Variants in VCPKMT observed in about 807,000 individuals in gnomAD.
VCPKMT encodes valosin containing protein lysine methyltransferase.
In VCPKMT, 32 loss-of-function variants were observed where a neutral mutation model predicts 28.6. The observed-to-expected ratio is 1.12, with a 90% confidence interval of 0.84 to 1.50. The LOEUF (loss-of-function observed/expected upper bound fraction) is 1.50. Among genes scored for constraint, VCPKMT ranks in the 40% most tolerant of loss-of-function variants. VCPKMT has a pLI of 0.00. For missense variants in VCPKMT, 366 were observed against 285.0 expected (o/e 1.28, Z -2.05); for synonymous variants, 138 against 111.4 (o/e 1.24, Z -1.50).
At chr14:50,107,520 G>A (rs1034935835), downstream of VCPKMT, among the ~76,000 whole-genome samples, 1 of 152,092 alleles carries the variant, frequency 6.6e-6, no homozygotes, top group Non-Finnish European at 1.5e-5. Context: ...CACCATGTTG[G>A]CCAGGCTGGT....
downstream of VCPKMT, chr14:50,106,611 G>C: frequency 1.0e-6 from 1 of 985,372 alleles, no homozygotes; most frequent in South Asian, 4.7e-5. Flanking sequence ...TCCATGCTTC[G>C]GAATCTGCTG....
chr14:50,116,135 A>C lies in VCPKMT; in HGVS notation c.311T>G (p.Leu104Arg). 6.2e-7 allele frequency: 1 copy of C among 1,614,150 alleles called. No homozygotes were observed. The highest frequency in any genetic ancestry group is 2.2e-5 in the East Asian group (1 of 44,884). The change falls in exon 2 of 6, where the codon CTG becomes CGG. Residue 104 changes from leucine to arginine, a missense_variant. By Grantham distance (102) the Leu-to-Arg change is moderately radical. Transcript: ENST00000395860. ...VTDLEELQDL[L>R]KMNINMNKHL... is the part of the protein sequence containing the mutation. ...CTTGTTCATATTAATATTCATCTTC[A>C]GCAAGTCTTGCAATTCCTCAAGATC...
intron 5 of VCPKMT, among the ~76,000 whole-genome samples, chr14:50,112,261 C>T (rs1489870245): frequency 1.3e-5 from 2 of 151,854 alleles, no homozygotes; most frequent in African/African-American, 4.8e-5. Flanking sequence ...AAAAGCGAAG[C>T]CTGGCCAGGT....
intron 4 of VCPKMT, chr14:50,113,231 T>C (rs568582171): frequency 3.9e-5 from 6 of 152,382 alleles, no homozygotes; most frequent in South Asian, 2.1e-4. Context: ...CTGATACATA[T>C]GCATTTTACA....
At chr14:50,110,754 G>C (rs573072771) in intron 5 of VCPKMT, among the ~76,000 whole-genome samples, 1 of 152,186 alleles carries the variant, frequency 6.6e-6, no homozygotes, top group African/African-American at 2.4e-5. Context: ...GTCCATAGCA[G>C]CATTATTCAT....
At chr14:50,102,929 G>A in the VCPKMT span, among the ~76,000 whole-genome samples, 4 of 152,176 alleles carry the variant, frequency 2.6e-5, no homozygotes, top group Non-Finnish European at 4.4e-5. Flanking sequence ...TTAATATAAC[G>A]CAGAAGCAGA....
chr14:50,115,295 G>A (rs1250560751), intron 3 of VCPKMT, among the ~76,000 whole-genome samples: 1 of 151,918 alleles, frequency 6.6e-6, no homozygotes, highest in East Asian at 1.9e-4. Flanking sequence ...TAGGATTACA[G>A]ACATGCACCA....
Position 50,108,935 on chromosome 14 carries a change from T to A in VCPKMT, c.*764A>T. 1.0e-6 allele frequency: 1 copy of A among 985,458 alleles called. No homozygotes were observed. Among genetic ancestry groups the A allele is most frequent in the Non-Finnish European group, 1.2e-6 (1 of 829,928 alleles). 61.0% of individuals were successfully genotyped at this position (985,458 alleles called of 1,614,324 possible). ...TCCTGGAACATATACATAAAGTGCA[T>A]GAGCCACGTAAGTGCATAAGCCTGA... On this transcript the variant is annotated 3_prime_UTR_variant, in exon 6 of 6. Transcript: ENST00000395860.
intron 4 of VCPKMT, chr14:50,113,611 AAC>A (rs200730910): frequency 0.3 from 25,067 of 83,636 alleles, 2,593 homozygotes; most frequent in Admixed American, 0.47. Context: ...AAGTTTAAAA[AAC>A]AAAAAAAAAG....
chr14:50,111,837 C>A, intron 5 of VCPKMT: 2 of 893,882 alleles, frequency 2.2e-6, no homozygotes, highest in Non-Finnish European at 2.7e-6. Context: ...TGCAGCAAGC[C>A]GAGATTGCAC....
At position 50,109,570 on chromosome 14, in the gene VCPKMT, T is replaced by C. The variant is rs1206862050; in HGVS notation, c.*129A>G. 9.2e-6 allele frequency: 13 copies of C among 1,420,038 alleles called. No individual in the cohort carries two copies. The highest frequency in any genetic ancestry group is 1.2e-5 in the Non-Finnish European group (13 of 1,091,280). The allele number at this position is 1,420,038 out of a possible 1,614,324, so 88.0% of individuals were successfully genotyped here. On this transcript the variant is annotated 3_prime_UTR_variant, in exon 6 of 6. Transcript: ENST00000395860. ...GCCCCTGGTGGTCATCATCTATACATCGGATCTCTAAGGACGTGCCGGAAA... is the reference window on the plus strand; with the variant it reads ...GCCCCTGGTGGTCATCATCTATACACCGGATCTCTAAGGACGTGCCGGAAA...
At chr14:50,113,145 G>C (rs1333743635) in intron 4 of VCPKMT, among the ~76,000 whole-genome samples, 1 of 152,128 alleles carries the variant, frequency 6.6e-6, no homozygotes. Context: ...CCAAGATCCT[G>C]AAAATGTCCT....
chr14:50,108,834 T>C lies in VCPKMT; in HGVS notation c.*865A>G, dbSNP rs1882446878. ...CAGAAATTCATTTGGTATATACATA[T>C]AGAACTACATTTGTAGTTATTCAAA... On this transcript the variant is annotated 3_prime_UTR_variant, in exon 6 of 6. Transcript: ENST00000395860. The C allele has an allele frequency of 1.0e-5, 10 of 985,296 alleles. No individual in the cohort carries two copies. The highest frequency in any genetic ancestry group is 4.7e-5 in the South Asian group (1 of 21,288). 61.0% of individuals were successfully genotyped at this position (985,296 alleles called of 1,614,324 possible).
the VCPKMT span, among the ~76,000 whole-genome samples, chr14:50,103,016 C>T: frequency 2.0e-5 from 3 of 152,214 alleles, no homozygotes; most frequent in Non-Finnish European, 4.4e-5. Flanking sequence ...AACACAAATT[C>T]GTAAACCCTC....
chr14:50,114,023 T>C (rs543327099), intron 4 of VCPKMT, among the ~76,000 whole-genome samples: 3 of 152,346 alleles, frequency 2.0e-5, no homozygotes, highest in African/African-American at 7.2e-5. Context: ...TAATAAACAC[T>C]GAAAACTGTT....
In VCPKMT at chr14:50,116,319, G is replaced by C. The variant is rs377721791; in HGVS notation, c.234C>G (p.Thr78=). 2.0e-6 allele frequency: 3 copies of C among 1,535,260 alleles called. No homozygotes were observed. Among genetic ancestry groups the C allele is most frequent in the Non-Finnish European group, 2.6e-6 (3 of 1,133,412 alleles). The change falls in exon 1 of 6, where the codon ACC becomes ACG. Residue 78 remains threonine, a synonymous_variant. Transcript: ENST00000395860. ...TAGCAGCCATGAGCCCCACGGCCCC[G>C]GTGCCCGAACCCAGCTCCAGCACCG... ...RRSVLELGSG[T]GAVGLMAATL...
Position 50,114,421 on chromosome 14 carries a change from ATAT to A in VCPKMT, c.451-20_451-18del. On this transcript the variant is annotated intron_variant, in intron 3 of 5. Transcript: ENST00000395860. The stretch of plus-strand genomic sequence containing the variant: ...CTCCAAAGACTATTTAAAAAAGAAT[ATAT>A]TTTTTGTTTTTGATTTAAAAATTTT... 7.0e-7 allele frequency: 1 copy of A among 1,435,718 alleles called. No homozygotes were observed. The highest frequency in any genetic ancestry group is 9.2e-7 in the Non-Finnish European group (1 of 1,090,466). The allele number at this position is 1,435,718 out of a possible 1,614,324, so 88.9% of individuals were successfully genotyped here. A position where few individuals can be genotyped will look rare whatever the true frequency, so the allele number is the denominator to read the frequency against.
chr14:50,111,952 C>T (rs1882689197), intron 5 of VCPKMT: 1 of 985,312 alleles, frequency 1.0e-6, no homozygotes, highest in Non-Finnish European at 1.2e-6. Flanking sequence ...CTAGGTGTCA[C>T]TGAGGCAACC....
intron 5 of VCPKMT, chr14:50,111,527 AC>A: frequency 1.0e-6 from 1 of 985,428 alleles, no homozygotes; most frequent in Non-Finnish European, 1.2e-6. Context: ...AATTCATAAA[AC>A]TAATCATCTC....
Sources: gnomAD v4.1 joint callset for allele counts (sites outside exome capture counted in the v4.1 genomes callset) on GRCh38, gnomAD v4.1.1 for gene constraint, MANE v1.5 for transcripts, NCBI Gene and HGNC (gene_info 2026-07-23, HGNC 2026-07-21) for gene names.